The following PARD3B variants were observed in gnomAD, a reference collection of about 807,000 sequenced individuals.
PARD3B encodes par-3 family cell polarity regulator beta, also known as partitioning defective 3 homolog B.
In PARD3B, 103 loss-of-function variants were observed where a neutral mutation model predicts 130.2. The ratio of observed to expected loss-of-function variants is 0.79; its 90% CI spans 0.67 to 0.93. The LOEUF (loss-of-function observed/expected upper bound fraction) is 0.93. Among genes scored for constraint, PARD3B ranks in the 40% least tolerant of loss-of-function variants. The probability of loss-of-function intolerance (pLI) is 0.00; values close to 1 mark genes in which losing one functional copy is unlikely to be tolerated. For synonymous variants in PARD3B, 583 were observed against 553.2 expected (o/e 1.05, Z -0.76); for missense variants, 1,609 against 1,499.2 (o/e 1.07, Z -1.21).
intron 20 of PARD3B, among the ~76,000 whole-genome samples, chr2:205,454,607 G>T (rs771751807): frequency 1.3e-5 from 2 of 152,038 alleles, no homozygotes; most frequent in Non-Finnish European, 2.9e-5. Flanking sequence ...CCGTTACTCA[G>T]CCTCTCACTC....
intron 16 of PARD3B, among the ~76,000 whole-genome samples, chr2:205,247,873 A>C (rs557800331): frequency 1.3e-5 from 2 of 152,230 alleles, no homozygotes; most frequent in South Asian, 4.1e-4. Context: ...ATACTCAAAT[A>C]AGGTTCAAAA....
intron 19 of PARD3B, among the ~76,000 whole-genome samples, chr2:205,439,645 A>T (rs931541642): frequency 2.0e-5 from 3 of 152,164 alleles, no homozygotes; most frequent in African/African-American, 7.2e-5. Flanking sequence ...TTGTAATATC[A>T]CTTAAGGCTT....
rs144792434 is a variant in PARD3B at position 204,967,079 on chromosome 2, C to G, written c.394+1756C>G. On this transcript the variant is annotated intron_variant, in intron 3 of 22. Coordinates refer to ENST00000406610, the MANE Select transcript of PARD3B (RefSeq NM_001302769.2). This position sits in a 1 kb window ranked among gnomAD's most constrained non-coding sequence, Gnocchi z 4.4. Reference sequence around the variant, plus strand: ...TCTGACATGCAATTCCTAAAACAACCAACTAATATAACTGTCTTGGGGTTT... The same window carrying G: ...TCTGACATGCAATTCCTAAAACAACGAACTAATATAACTGTCTTGGGGTTT... 1.7e-4 allele frequency among the ~76,000 whole-genome samples: 26 copies of G among 152,238 alleles called. 1 individual carries two copies. In the East Asian group the frequency reaches 3.9e-3, roughly 23 times the overall value.
At chr2:205,315,444 T>G (rs1559652561) in intron 18 of PARD3B, among the ~76,000 whole-genome samples, 1 of 152,192 alleles carries the variant, frequency 6.6e-6, no homozygotes, top group Non-Finnish European at 1.5e-5. Context: ...TACCTAGTGG[T>G]TCTCAAAGTC....
intron 18 of PARD3B, among the ~76,000 whole-genome samples, chr2:205,333,721 G>C (rs1406240998): frequency 6.6e-6 from 1 of 152,128 alleles, no homozygotes; most frequent in Non-Finnish European, 1.5e-5. Context: ...ATGAGAAGAA[G>C]AAACCCAGAT....
At chr2:205,451,939 A>T (rs1374819309) in intron 20 of PARD3B, among the ~76,000 whole-genome samples, 3 of 152,120 alleles carry the variant, frequency 2.0e-5, no homozygotes, top group Non-Finnish European at 4.4e-5. Context: ...ATTTCTTTGT[A>T]CCCATTAACC....
Position 205,615,913 on chromosome 2 carries a change from A to C in PARD3B, c.*100A>C. 4.0e-6 allele frequency: 4 copies of C among 1,002,964 alleles called. No homozygotes were observed. The highest frequency in any genetic ancestry group is 6.0e-6 in the Non-Finnish European group (4 of 668,976). 62.1% of individuals were successfully genotyped at this position (1,002,964 alleles called of 1,614,324 possible). A position where few individuals can be genotyped will look rare whatever the true frequency, so the allele number is the denominator to read the frequency against. On this transcript the variant is annotated 3_prime_UTR_variant, in exon 23 of 23. Coordinates refer to ENST00000406610, the MANE Select transcript of PARD3B (RefSeq NM_001302769.2). ...ACCTCCTTGGTGTTAGGAATTCTCC[A>C]TGTTACTGATAAGCTTTTTCTCACT...
intron 2 of PARD3B, among the ~76,000 whole-genome samples, chr2:204,883,408 TATATATATA>T (rs2046130899): frequency 8.7e-6 from 1 of 114,376 alleles, no homozygotes; most frequent in African/African-American, 3.4e-5. Context: ...ATATATATTA[TATATATATA>T]ATATATATAT....
intron 21 of PARD3B, among the ~76,000 whole-genome samples, chr2:205,542,310 G>GT (rs888386599): frequency 1.3e-5 from 2 of 150,504 alleles, no homozygotes; most frequent in African/African-American, 4.9e-5. Context: ...AAGAGGCTGA[G>GT]TTTTTTTTCT....
At chr2:205,388,579 C>G (rs548348798) in intron 18 of PARD3B, among the ~76,000 whole-genome samples, 2 of 152,146 alleles carry the variant, frequency 1.3e-5, no homozygotes, top group East Asian at 3.8e-4. Flanking sequence ...TTAGAAAACC[C>G]TGTTAGAAAT....
At chr2:204,757,964 T>G (rs1250201603) in intron 2 of PARD3B, among the ~76,000 whole-genome samples, 1 of 152,186 alleles carries the variant, frequency 6.6e-6, no homozygotes, top group Non-Finnish European at 1.5e-5. Flanking sequence ...AATGTTCTGG[T>G]TATCTGTGAG....
chr2:205,517,643 G>A (rs73058199), intron 21 of PARD3B, among the ~76,000 whole-genome samples: 3 of 151,902 alleles, frequency 2.0e-5, no homozygotes, highest in Non-Finnish European at 4.4e-5. Context: ...ATTCGTTCTT[G>A]CTTCTCTGAT....
At chr2:205,320,579 A>C (rs968522667) in intron 18 of PARD3B, among the ~76,000 whole-genome samples, 1 of 152,230 alleles carries the variant, frequency 6.6e-6, no homozygotes, top group African/African-American at 2.4e-5. Flanking sequence ...TTTAATCAGC[A>C]TTGTCATTAA....
intron 4 of PARD3B, among the ~76,000 whole-genome samples, chr2:205,083,532 T>C (rs1012015273): frequency 6.6e-6 from 1 of 152,006 alleles, no homozygotes; most frequent in African/African-American, 2.4e-5. Context: ...ATTTTAATAT[T>C]ATTTGTGCCT....
intron 18 of PARD3B, among the ~76,000 whole-genome samples, chr2:205,399,956 T>C (rs1319082757): frequency 6.6e-6 from 1 of 152,158 alleles, no homozygotes; most frequent in Non-Finnish European, 1.5e-5. Flanking sequence ...GCCCTGACTC[T>C]GGTGGGAGGT....
At position 205,568,608 on chromosome 2, in the gene PARD3B, TGCTGTG is replaced by T. The variant is rs2106540809; in HGVS notation, c.3260+15209_3260+15214del. ...AATGAACAATGATGGTTTGAGTGTG[TGCTGTG>T]GCTTTACCTAGGATCGTGGCTATAC... On this transcript the variant is annotated intron_variant, in intron 22 of 22. Coordinates refer to ENST00000406610, the MANE Select transcript of PARD3B (RefSeq NM_001302769.2). The surrounding 1 kb of genome is among the most constrained non-coding windows in gnomAD (Gnocchi z 5.3). Among the ~76,000 whole-genome samples, 1 of 152,304 alleles carries T rather than the reference TGCTGTG, an allele frequency of 6.6e-6. No individual in the cohort carries two copies. Among genetic ancestry groups the T allele is most frequent in the East Asian group, 1.9e-4 (1 of 5,176 alleles).
intron 2 of PARD3B, among the ~76,000 whole-genome samples, chr2:204,773,666 A>G (rs2041488722): frequency 6.6e-6 from 1 of 152,156 alleles, no homozygotes. Context: ...AATGCAAAAT[A>G]TAAATTGCAA....
chr2:205,428,335 A>T (rs1162321405), intron 19 of PARD3B, among the ~76,000 whole-genome samples: 3 of 152,182 alleles, frequency 2.0e-5, no homozygotes, highest in Non-Finnish European at 4.4e-5. Context: ...AGCAGAGATT[A>T]TGCAGTAGCA....
chr2:205,553,632 A>C (rs1446563138), intron 22 of PARD3B, among the ~76,000 whole-genome samples: 1 of 152,230 alleles, frequency 6.6e-6, no homozygotes, highest in Non-Finnish European at 1.5e-5. Context: ...TGAACGTGTC[A>C]GCAAGAACAT....
Sources: allele counts gnomAD v4.1 joint callset (sites outside exome capture counted in the v4.1 genomes callset), GRCh38; gene constraint gnomAD v4.1.1; non-coding constraint Gnocchi (gnomAD v3.1); transcripts MANE v1.5; gene names NCBI Gene and HGNC (gene_info 2026-07-23, HGNC 2026-07-21).